MED12L: variants seen among roughly 807,000 people sequenced by gnomAD.
MED12L encodes mediator complex subunit 12L, also known as mediator of RNA polymerase II transcription subunit 12-like protein.
Under a neutral mutation model 281.3 loss-of-function variants are expected in MED12L, and 60 were observed. The ratio of observed to expected loss-of-function variants is 0.21; its 90% CI spans 0.17 to 0.26. The LOEUF is 0.26. MED12L is among the 10% of genes least tolerant of loss of function. MED12L has a pLI of 1.00. For missense variants in MED12L, 2,146 were observed against 2,680.9 expected, an observed-to-expected ratio of 0.80 and a Z score of 4.41; for synonymous variants, 974 against 987.2, an observed-to-expected ratio of 0.99 and a Z score of 0.25.
At position 151,388,048 on chromosome 3, in the gene MED12L, C is replaced by A; in HGVS notation, c.5327C>A (p.Ser1776Tyr). 1 of 1,614,034 alleles carries A rather than the reference C, an allele frequency of 6.2e-7. No individual in the cohort carries two copies. Among genetic ancestry groups the A allele is most frequent in the Non-Finnish European group, 8.5e-7 (1 of 1,180,006 alleles). The stretch of plus-strand genomic sequence containing the variant: ...GAGGAGGAAGAGGAAGAGCCCACAT[C>A]TCCAGTTTCTCAGGAACCAGAAAGG... ...PPEEEEEEPT[S>Y]PVSQEPERKS... is the part of the protein sequence containing the mutation. Residue 1776 changes from serine to tyrosine, a missense_variant, in exon 37 of 45, where the codon TCT (serine) becomes TAT (tyrosine). Physicochemically the swap from Ser to Tyr is moderately radical, Grantham distance 144 (BLOSUM62 -2). Around this residue, in one of 9 missense-constraint regions of MED12L, gnomAD observed 496 missense variants for 512.0 expected, o/e 0.97. Transcript: ENST00000687756.
chr3:151,119,494 T>A (rs1236684086), intron 3 of MED12L, among the ~76,000 whole-genome samples: 1 of 152,130 alleles, frequency 6.6e-6, no homozygotes, highest in African/African-American at 2.4e-5. Flanking sequence ...TCTCCTCTTA[T>A]AAAGTCCTAC....
intron 16 of MED12L, 54 bp from the exon 17 acceptor site, chr3:151,350,005 A>G: frequency 6.4e-7 from 1 of 1,570,488 alleles, no homozygotes; most frequent in Non-Finnish European, 8.7e-7. Context: ...GGGATATGAA[A>G]TGCAACCCCA....
At chr3:151,179,551 A>G (rs897057104) in intron 11 of MED12L, among the ~76,000 whole-genome samples, 2 of 152,178 alleles carry the variant, frequency 1.3e-5, no homozygotes, top group African/African-American at 2.4e-5. Context: ...AGCTGAGAGG[A>G]TGGGGTACTG....
chr3:151,347,695 C>T (rs1328021256), intron 16 of MED12L, among the ~76,000 whole-genome samples: 1 of 152,008 alleles, frequency 6.6e-6, no homozygotes, highest in Non-Finnish European at 1.5e-5. Flanking sequence ...GGGGGATGTG[C>T]AGAGGAGGAG....
intron 16 of MED12L, among the ~76,000 whole-genome samples, chr3:151,250,131 C>G (rs943957459): frequency 2.0e-5 from 3 of 152,166 alleles, no homozygotes; most frequent in African/African-American, 7.2e-5. Context: ...TCTCCACTTT[C>G]CCATTCACTC....
chr3:151,404,176 A>G (rs527685661), intron 39 of MED12L, among the ~76,000 whole-genome samples: 11 of 152,314 alleles, frequency 7.2e-5, no homozygotes, highest in African/African-American at 2.4e-4. Flanking sequence ...TATTAATTCA[A>G]AGTAATGAAA....
intron 10 of MED12L, 30 bp downstream of exon 10, chr3:151,165,549 TTTGAATG>T (rs1421511842): frequency 1.3e-6 from 2 of 1,559,178 alleles, no homozygotes; most frequent in African/African-American, 2.7e-5. Context: ...AACGAGTGCT[TTTGAATG>T]TTGGACTTTA....
intron 16 of MED12L, among the ~76,000 whole-genome samples, chr3:151,229,502 G>A (rs1184287776): frequency 3.3e-5 from 4 of 121,266 alleles, no homozygotes; most frequent in East Asian, 2.3e-4. Context: ...TTTTTGAGAC[G>A]GAGTCTCACT....
At chr3:151,134,660 A>AT (rs1473211056) in intron 5 of MED12L, among the ~76,000 whole-genome samples, 1 of 152,212 alleles carries the variant, frequency 6.6e-6, no homozygotes, top group African/African-American at 2.4e-5. Flanking sequence ...CATCCAGGAG[A>AT]TTCACAGAGG....
rs1576931641 is a variant in MED12L at position 151,193,533 on chromosome 3, C to G, written c.2117C>G (p.Thr706Ser). Residue 706 changes from threonine to serine, a missense_variant, in exon 16 of 45, where the codon ACT becomes AGT. By Grantham distance (58) the Thr-to-Ser change is moderately conservative. Transcript: ENST00000687756. ...MPGESCENAN[T>S]SLGRRMSVNC... is the part of the protein sequence containing the mutation. ...GGAGAATCCTGTGAGAATGCCAACA[C>G]TTCGTTGGGCAGAAGAATGTCAGTT... 4 of 1,613,896 alleles carry G rather than the reference C, an allele frequency of 2.5e-6. No homozygotes were observed. Among genetic ancestry groups the G allele is most frequent in the East Asian group, 4.5e-5 (2 of 44,872 alleles).
intron 26 of MED12L, among the ~76,000 whole-genome samples, chr3:151,371,564 T>C (rs1201512434): frequency 6.6e-6 from 1 of 152,244 alleles, no homozygotes; most frequent in Non-Finnish European, 1.5e-5. Flanking sequence ...GCCATTTTTT[T>C]CAGCAAAGTC....
chr3:151,319,969 A>T (rs1430972848), intron 16 of MED12L, among the ~76,000 whole-genome samples: 2 of 152,216 alleles, frequency 1.3e-5, no homozygotes, highest in Non-Finnish European at 2.9e-5. Flanking sequence ...AAGATTACTC[A>T]TAAGCCTTTC....
intron 43 of MED12L, among the ~76,000 whole-genome samples, chr3:151,424,402 C>G (rs1452206263): frequency 3.3e-5 from 5 of 152,084 alleles, no homozygotes; most frequent in Non-Finnish European, 7.4e-5. Context: ...GGGTGGATCA[C>G]GAGGTCAGGA....
intron 2 of MED12L, among the ~76,000 whole-genome samples, chr3:151,097,990 A>T (rs532568985): frequency 1.3e-5 from 2 of 152,228 alleles, no homozygotes; most frequent in East Asian, 3.9e-4. Context: ...AGGATAGGGA[A>T]GAAGATTAAT....
At chr3:151,089,134 G>C (rs913797255) in intron 2 of MED12L, among the ~76,000 whole-genome samples, 4 of 152,040 alleles carry the variant, frequency 2.6e-5, no homozygotes, top group Admixed American at 2.6e-4. Context: ...AAGAAACTTT[G>C]TGTTTCCTGG....
intron 16 of MED12L, among the ~76,000 whole-genome samples, chr3:151,257,037 A>G (rs534385340): frequency 1.3e-5 from 2 of 152,304 alleles, no homozygotes; most frequent in African/African-American, 4.8e-5. Flanking sequence ...AAAACAACAG[A>G]AAAGCAGCAC....
At chr3:151,111,288 G>A (rs1372856419) in intron 2 of MED12L, among the ~76,000 whole-genome samples, 1 of 152,224 alleles carries the variant, frequency 6.6e-6, no homozygotes, top group Non-Finnish European at 1.5e-5. Context: ...ATGGTTTGAT[G>A]GTTGGGAGCA....
chr3:151,198,332 GTTTTTTTTTGT>G (rs1487269471), intron 16 of MED12L: 88 of 866,876 alleles, frequency 1.0e-4, no homozygotes, highest in Non-Finnish European at 1.4e-4. Flanking sequence ...TTCATACTGA[GTTTTTTTTTGT>G]TTTTTTTTTT....
At chr3:151,377,318 A>C in intron 30 of MED12L, 140 bp downstream of exon 30, 1 of 679,320 alleles carries the variant, frequency 1.5e-6, no homozygotes, top group South Asian at 2.0e-5. Context: ...ATTATTAATA[A>C]GTTAATGAGT....
Sources: gnomAD v4.1 joint callset for allele counts (sites outside exome capture counted in the v4.1 genomes callset) on GRCh38, gnomAD v4.1.1 for gene constraint, gnomAD v4.1.1 regional missense constraint, MANE v1.5 for transcripts, NCBI Gene and HGNC (gene_info 2026-07-23, HGNC 2026-07-21) for gene names.